Variants in STAU2 observed in about 807,000 individuals in gnomAD.
The protein encoded by STAU2 is staufen double-stranded RNA binding protein 2, also known as double-stranded RNA-binding protein Staufen homolog 2.
In STAU2, 20 loss-of-function variants were observed where a neutral mutation model predicts 65.9. That is an observed-to-expected ratio of 0.30 (90% CI 0.21 to 0.44). STAU2 has a LOEUF of 0.44. Among genes scored for constraint, STAU2 ranks in the 20% least tolerant of loss-of-function variants. The probability of loss-of-function intolerance (pLI) is 1.00; values close to 1 mark genes in which losing one functional copy is unlikely to be tolerated. For synonymous variants in STAU2, 232 were observed against 233.9 expected, an observed-to-expected ratio of 0.99 and a Z score of 0.07; for missense variants, 558 against 683.9, an observed-to-expected ratio of 0.82 and a Z score of 2.05.
chr8:73,641,042 A>G (rs1209114573), intron 6 of STAU2, among the ~76,000 whole-genome samples: 2 of 152,212 alleles, frequency 1.3e-5, no homozygotes, highest in African/African-American at 2.4e-5. Flanking sequence ...AACTCTATAT[A>G]ATACTTGCCC....
intron 5 of STAU2, among the ~76,000 whole-genome samples, chr8:73,685,774 CCA>C (rs908487129): frequency 2.0e-5 from 3 of 152,128 alleles, no homozygotes; most frequent in Non-Finnish European, 4.4e-5. Context: ...AGTAGAACTA[CCA>C]TTTGATCCAG....
At chr8:73,717,319 T>C (rs923297659) in intron 3 of STAU2, among the ~76,000 whole-genome samples, 1 of 147,824 alleles carries the variant, frequency 6.8e-6, no homozygotes, top group Non-Finnish European at 1.5e-5. Flanking sequence ...GTACTTTTAA[T>C]GTATATCTAA....
At chr8:73,493,222 T>C (rs1003471977) in intron 13 of STAU2, among the ~76,000 whole-genome samples, 3 of 151,378 alleles carry the variant, frequency 2.0e-5, no homozygotes, top group Admixed American at 6.6e-5. Flanking sequence ...AAATTGAGAA[T>C]AGAAAAAAGT....
chr8:73,552,993 C>T (rs1807447072), intron 12 of STAU2, among the ~76,000 whole-genome samples: 1 of 152,158 alleles, frequency 6.6e-6, no homozygotes, highest in Admixed American at 6.5e-5. Context: ...TCGTGTTGCT[C>T]AAACATCTCA....
At chr8:73,552,735 A>AC (rs1297286333) in intron 12 of STAU2, among the ~76,000 whole-genome samples, 2 of 152,236 alleles carry the variant, frequency 1.3e-5, no homozygotes, top group African/African-American at 4.8e-5. Flanking sequence ...CAGGTAAAAT[A>AC]AAGGCTGAAT....
chr8:73,738,197 A>G, intron 3 of STAU2, 87 bp downstream of exon 3: 1 of 1,205,738 alleles, frequency 8.3e-7, no homozygotes. Flanking sequence ...GGTTACAGTT[A>G]TAGAAAAGAA....
At chr8:73,504,325 C>T (rs1821930957) in intron 13 of STAU2, among the ~76,000 whole-genome samples, 1 of 152,076 alleles carries the variant, frequency 6.6e-6, no homozygotes, top group Non-Finnish European at 1.5e-5. Flanking sequence ...TTCCCAAGGA[C>T]TCCTGAGACA....
intron 10 of STAU2, among the ~76,000 whole-genome samples, chr8:73,596,829 A>G (rs1050996209): frequency 6.6e-6 from 1 of 152,220 alleles, no homozygotes; most frequent in Non-Finnish European, 1.5e-5. Flanking sequence ...ACCCTGGGCA[A>G]CAGAGTAAGA....
At chr8:73,461,721 A>C (rs1290440622) in intron 13 of STAU2, among the ~76,000 whole-genome samples, 1 of 152,158 alleles carries the variant, frequency 6.6e-6, no homozygotes, top group East Asian at 1.9e-4. Context: ...GGTGGGGAGA[A>C]GCAGAAGCCA....
intron 11 of STAU2, among the ~76,000 whole-genome samples, chr8:73,588,841 T>G (rs1810566082): frequency 6.6e-6 from 1 of 151,732 alleles, no homozygotes; most frequent in Admixed American, 6.6e-5. Flanking sequence ...AAGATAAAAT[T>G]TGGTTACCAC....
chr8:73,521,353 A>C (rs1297880496), intron 13 of STAU2, among the ~76,000 whole-genome samples: 2 of 152,186 alleles, frequency 1.3e-5, no homozygotes, highest in African/African-American at 4.8e-5. Context: ...TCTGGACATA[A>C]ACCCTTAAAG....
At chr8:73,524,794 C>T (rs1284665686) in intron 13 of STAU2, among the ~76,000 whole-genome samples, 1 of 152,126 alleles carries the variant, frequency 6.6e-6, no homozygotes, top group East Asian at 1.9e-4. Flanking sequence ...ATTTTTCTTG[C>T]TTTAAAATGT....
In STAU2 at chr8:73,603,783, C is replaced by T. The variant is rs773576358; in HGVS notation, c.972G>A (p.Pro324=). 48 of 1,611,752 alleles carry T rather than the reference C, an allele frequency of 3.0e-5. No homozygotes were observed. The East Asian group carries it at 3.6e-4, about 12-fold the overall frequency. Residue 324 remains proline, a synonymous_variant, in exon 10 of 15, where the codon CCG becomes CCA. Coordinates refer to ENST00000524300, the MANE Select transcript of STAU2 (RefSeq NM_001164380.2). ...CTCTTTCTGAAAGCAAAACATAATC[C>T]GGCTCCTTTTCCTTTTTGGCCTGTT... ...QIQQAKKEKE[P]DYVLLSERGM...
intron 3 of STAU2, among the ~76,000 whole-genome samples, chr8:73,728,439 T>G (rs541673891): frequency 1.4e-5 from 2 of 140,606 alleles, no homozygotes; most frequent in Non-Finnish European, 3.0e-5. Flanking sequence ...CATATGAATA[T>G]GAGGATCAGC....
At chr8:73,687,249 A>G (rs1818920371) in intron 5 of STAU2, among the ~76,000 whole-genome samples, 1 of 81,046 alleles carries the variant, frequency 1.2e-5, no homozygotes, top group Non-Finnish European at 2.5e-5. Context: ...TTTAAATATA[A>G]ATTAATTTAT....
intron 4 of STAU2, among the ~76,000 whole-genome samples, chr8:73,702,847 C>T (rs4386976): frequency 0.055 from 8,320 of 152,122 alleles, 414 homozygotes; most frequent in Admixed American, 0.16. Flanking sequence ...GAGATTCCAC[C>T]ACATACCTAT....
intron 13 of STAU2, among the ~76,000 whole-genome samples, chr8:73,444,543 G>A (rs992755932): frequency 5.3e-5 from 8 of 152,194 alleles, no homozygotes; most frequent in Non-Finnish European, 1.2e-4. Context: ...GGAAGCAGGT[G>A]TGAGTAATTA....
chr8:73,583,663 A>G (rs1157819458), intron 11 of STAU2, among the ~76,000 whole-genome samples: 1 of 152,056 alleles, frequency 6.6e-6, no homozygotes, highest in Non-Finnish European at 1.5e-5. Flanking sequence ...AATATAAAAA[A>G]AATAAAAAAA....
chr8:73,515,010 C>G (rs1265509851), intron 13 of STAU2, among the ~76,000 whole-genome samples: 1 of 152,112 alleles, frequency 6.6e-6, no homozygotes, highest in Non-Finnish European at 1.5e-5. Flanking sequence ...GTTTCTTGAT[C>G]TTCAATGAAA....
Sources: allele counts gnomAD v4.1 joint callset (sites outside exome capture counted in the v4.1 genomes callset), GRCh38; gene constraint gnomAD v4.1.1; transcripts MANE v1.5; gene names NCBI Gene and HGNC (gene_info 2026-07-23, HGNC 2026-07-21).